GRIK1: variants seen among roughly 807,000 people sequenced by gnomAD.
The protein encoded by GRIK1 is glutamate receptor ionotropic, kainate 1.
A neutral mutation model predicts 105.7 loss-of-function variants in GRIK1; 69 were observed. The ratio of observed to expected loss-of-function variants is 0.65; its 90% CI spans 0.54 to 0.80. GRIK1 has a LOEUF of 0.80. GRIK1 is among the 30% of genes least tolerant of loss of function. The pLI, the probability that GRIK1 is intolerant of heterozygous loss-of-function variation, is 0.00. For missense variants in GRIK1, 1,109 were observed against 1,167.3 expected (o/e 0.95, Z 0.73); for synonymous variants, 438 against 431.3 (o/e 1.02, Z -0.19).
At position 29,876,112 on chromosome 21, in the gene GRIK1, ATGTG is replaced by A. The variant is rs1555903193; in HGVS notation, c.118+63267_118+63270del. Among the ~76,000 whole-genome samples the A allele has an allele frequency of 6.1e-4, 91 of 149,086 alleles. 2 individuals carry two copies. The highest frequency in any genetic ancestry group is 7.0e-3 in the Middle Eastern group (2 of 286). On this transcript the variant is annotated intron_variant, in intron 1 of 17. Transcript: ENST00000327783. ...ACAATCCCAAGGGGAGGAGATAGAT[ATGTG>A]TGTGTGTGTGTGTGTGTGTGTGTGT...
intron 1 of GRIK1, among the ~76,000 whole-genome samples, chr21:29,771,924 A>C (rs765176087): frequency 4.6e-5 from 7 of 152,238 alleles, no homozygotes; most frequent in Non-Finnish European, 1.0e-4. Flanking sequence ...ACCAAATAAA[A>C]GATGAACACT....
intron 1 of GRIK1, among the ~76,000 whole-genome samples, chr21:29,830,133 CAT>C (rs1420215564): frequency 2.6e-5 from 4 of 152,054 alleles, no homozygotes; most frequent in Non-Finnish European, 4.4e-5. Context: ...AAAATCTACA[CAT>C]AGGATCTTTC....
At chr21:29,891,839 CTAAAGT>C (rs2069911060) in intron 1 of GRIK1, among the ~76,000 whole-genome samples, 1 of 152,100 alleles carries the variant, frequency 6.6e-6, no homozygotes, top group Non-Finnish European at 1.5e-5. Flanking sequence ...ATTGAAACAT[CTAAAGT>C]TAAATGAGGA....
chr21:29,623,843 T>A (rs2832415), intron 7 of GRIK1, among the ~76,000 whole-genome samples: 42,705 of 152,118 alleles, frequency 0.28, 7,877 homozygotes, highest in African/African-American at 0.53. Context: ...AACTAAACAC[T>A]TGCAGAATAA....
chr21:29,584,757 C>T (rs1477612620), intron 12 of GRIK1, among the ~76,000 whole-genome samples: 3 of 152,238 alleles, frequency 2.0e-5, no homozygotes, highest in African/African-American at 4.8e-5. Flanking sequence ...TTTTCATGTC[C>T]ACTTCCCTAA....
intron 1 of GRIK1, among the ~76,000 whole-genome samples, chr21:29,741,815 G>A (rs575438848): frequency 6.6e-6 from 1 of 152,300 alleles, no homozygotes; most frequent in East Asian, 1.9e-4. Context: ...AGGTCGAGTG[G>A]TAGAAAATTG....
At chr21:29,620,810 T>TATAG (rs1212722857) in intron 7 of GRIK1, among the ~76,000 whole-genome samples, 3 of 114,968 alleles carry the variant, frequency 2.6e-5, no homozygotes, top group African/African-American at 1.3e-4. Flanking sequence ...TATATAGATA[T>TATAG]ATATATATAG....
chr21:29,573,689 A>C (rs1462992637), intron 14 of GRIK1, among the ~76,000 whole-genome samples: 1 of 152,076 alleles, frequency 6.6e-6, no homozygotes, highest in Non-Finnish European at 1.5e-5. Flanking sequence ...AACTCTATTA[A>C]AATAAAAAAA....
At chr21:29,570,679 A>G (rs909855903) in intron 14 of GRIK1, among the ~76,000 whole-genome samples, 1 of 152,112 alleles carries the variant, frequency 6.6e-6, no homozygotes, top group Admixed American at 6.5e-5. Context: ...GCCTCCCTTT[A>G]ACCTTGGCCA....
At chr21:29,726,479 A>G (rs1159630170) in intron 1 of GRIK1, among the ~76,000 whole-genome samples, 1 of 152,252 alleles carries the variant, frequency 6.6e-6, no homozygotes, top group East Asian at 1.9e-4. Context: ...TATGTGAATA[A>G]TATCGTACAC....
chr21:29,814,503 C>T (rs1202183115), intron 1 of GRIK1, among the ~76,000 whole-genome samples: 2 of 152,022 alleles, frequency 1.3e-5, no homozygotes, highest in Admixed American at 6.6e-5. Flanking sequence ...GCCTAATTGG[C>T]AGCATCGTAG....
chr21:29,643,561 G>A (rs1410885823), intron 6 of GRIK1, among the ~76,000 whole-genome samples: 1 of 152,224 alleles, frequency 6.6e-6, no homozygotes, highest in Non-Finnish European at 1.5e-5. Flanking sequence ...AGCTTGCTCA[G>A]AACATGCCTC....
chr21:29,887,055 T>C (rs1427172267), intron 1 of GRIK1, among the ~76,000 whole-genome samples: 1 of 152,178 alleles, frequency 6.6e-6, no homozygotes, highest in East Asian at 1.9e-4. Flanking sequence ...CATGTCAACT[T>C]ATACTAATTG....
At chr21:29,907,649 G>C (rs1185434141) in intron 1 of GRIK1, among the ~76,000 whole-genome samples, 1 of 151,978 alleles carries the variant, frequency 6.6e-6, no homozygotes. Context: ...ATAATCAAAA[G>C]GCATTCTATA....
intron 1 of GRIK1, among the ~76,000 whole-genome samples, chr21:29,751,440 C>T (rs915973765): frequency 1.3e-5 from 2 of 152,150 alleles, no homozygotes; most frequent in Admixed American, 1.3e-4. Flanking sequence ...AGATCACCTT[C>T]CTTTAGCTGC....
chr21:29,898,010 T>C (rs1033799494), intron 1 of GRIK1, among the ~76,000 whole-genome samples: 7 of 152,226 alleles, frequency 4.6e-5, no homozygotes, highest in Admixed American at 3.9e-4. Flanking sequence ...TTAAAGTAAC[T>C]TGCCCTAGTT....
intron 1 of GRIK1, among the ~76,000 whole-genome samples, chr21:29,844,982 T>C (rs2146018778): frequency 6.6e-6 from 1 of 152,302 alleles, no homozygotes; most frequent in South Asian, 2.1e-4. Context: ...GACTGTCCAC[T>C]GTTTGATATG....
intron 1 of GRIK1, among the ~76,000 whole-genome samples, chr21:29,878,680 CT>C (rs1226669002): frequency 3.3e-5 from 5 of 152,038 alleles, no homozygotes; most frequent in African/African-American, 4.8e-5. Context: ...AGATTAGTGT[CT>C]TTGTAAAAAA....
At chr21:29,777,308 A>G (rs74414496) in intron 1 of GRIK1, among the ~76,000 whole-genome samples, 4,626 of 152,256 alleles carry the variant, frequency 0.03, 121 homozygotes, top group Middle Eastern at 0.12. Flanking sequence ...TCCTGGTTCA[A>G]TGGGTTAGGG....
Sources: gnomAD v4.1 joint callset for allele counts (sites outside exome capture counted in the v4.1 genomes callset) on GRCh38, gnomAD v4.1.1 for gene constraint, MANE v1.5 for transcripts, NCBI Gene and HGNC (gene_info 2026-07-23, HGNC 2026-07-21) for gene names.